Variants in LINGO2 observed in about 807,000 individuals in gnomAD.
LINGO2 encodes leucine-rich repeat and immunoglobulin-like domain-containing nogo receptor-interacting protein 2.
A neutral mutation model predicts 30.6 loss-of-function variants in LINGO2; 14 were observed. The observed-to-expected ratio is 0.46, with a 90% CI of 0.30 to 0.72. The LOEUF is 0.72. Ranked by LOEUF, LINGO2 falls within the 30% of genes least tolerant of loss-of-function variation. LINGO2 has a pLI of 0.07. For synonymous variants in LINGO2, 317 were observed against 288.5 expected (o/e 1.10, Z -1.00); for missense variants, 729 against 751.7 (o/e 0.97, Z 0.35).
At chr9:27,972,332 T>A (rs1820394698) in intron 5 of LINGO2, among the ~76,000 whole-genome samples, 1 of 151,566 alleles carries the variant, frequency 6.6e-6, no homozygotes, top group Admixed American at 6.5e-5. Context: ...TAGATAAAAT[T>A]GTCTGAGGAG....
In LINGO2 at chr9:28,288,279, C is replaced by CGTTT. The variant is rs532376014; in HGVS notation, c.-87+6925_-87+6928dup. The stretch of plus-strand genomic sequence containing the variant: ...CAAGCTTTCCATTCCTCAAACATAA[C>CGTTT]GTTTATTTTTACATAATGGCGACTT... On this transcript the variant is annotated intron_variant, in intron 4 of 5. Coordinates refer to ENST00000379992, the Ensembl canonical transcript of LINGO2. 2.0e-5 allele frequency among the ~76,000 whole-genome samples: 3 copies of CGTTT among 152,228 alleles called. No individual in the cohort carries two copies. The South Asian group carries it at 6.2e-4, about 32-fold the overall frequency.
chr9:28,702,924 A>AT, the LINGO2 span, among the ~76,000 whole-genome samples: 1 of 151,906 alleles, frequency 6.6e-6, no homozygotes, highest in Non-Finnish European at 1.5e-5. Context: ...GCACAGAGTT[A>AT]TTAATAGTCT....
chr9:28,875,324 C>T, the LINGO2 span, among the ~76,000 whole-genome samples: 2 of 151,892 alleles, frequency 1.3e-5, no homozygotes, highest in African/African-American at 2.4e-5. Context: ...GGTTTGTGTA[C>T]GTCTACACAA....
At chr9:28,665,131 A>C (rs1264210222) in intron 1 of LINGO2, among the ~76,000 whole-genome samples, 1 of 150,980 alleles carries the variant, frequency 6.6e-6, no homozygotes, top group African/African-American at 2.4e-5. Flanking sequence ...AGGTGGTGGA[A>C]AAAGAGATGC....
rs1824022915 is a variant in LINGO2, at chr9:28,038,084, A to C, written c.-86-25679T>G. On this transcript the variant is annotated intron_variant, in intron 4 of 5. Coordinates refer to ENST00000379992, the Ensembl canonical transcript of LINGO2. Reference sequence around the variant, plus strand: ...CCATACCACTTTTTAATAAGATTTTATGAAAGTTGGCTCTTCTTAGATAAT... The same window carrying C: ...CCATACCACTTTTTAATAAGATTTTCTGAAAGTTGGCTCTTCTTAGATAAT... Among the ~76,000 whole-genome samples, 3 of 152,220 alleles carry C rather than the reference A, an allele frequency of 2.0e-5. No homozygotes were observed. In the South Asian group the frequency reaches 6.2e-4, roughly 31 times the overall value.
At chr9:28,239,121 C>A (rs965852000) in intron 4 of LINGO2, among the ~76,000 whole-genome samples, 22 of 151,948 alleles carry the variant, frequency 1.4e-4, no homozygotes, top group Admixed American at 1.1e-3. Context: ...AGACCAATAA[C>A]AAGTAATAAA....
At chr9:28,106,222 T>G (rs555505830) in intron 4 of LINGO2, among the ~76,000 whole-genome samples, 40 of 152,182 alleles carry the variant, frequency 2.6e-4, no homozygotes, top group African/African-American at 9.4e-4. Context: ...GCCAAAAAGA[T>G]TGGGGACTGC....
intron 1 of LINGO2, among the ~76,000 whole-genome samples, chr9:28,561,735 T>TTGTG (rs72145510): frequency 0.04 from 1,755 of 43,382 alleles, 260 homozygotes; most frequent in East Asian, 0.074. Context: ...ATATATAATT[T>TTGTG]TGTGTGTGTG....
chr9:27,955,209 A>G (rs7040237), intron 5 of LINGO2, among the ~76,000 whole-genome samples: 82,280 of 152,024 alleles, frequency 0.54, 23,605 homozygotes, highest in Non-Finnish European at 0.62. Context: ...ATTCATAGAA[A>G]ATTATAATTT....
chr9:28,473,286 T>C lies in LINGO2; in HGVS notation c.-279+2654A>G, dbSNP rs557577546. Among the ~76,000 whole-genome samples, 3 of 152,140 alleles carry C rather than the reference T, an allele frequency of 2.0e-5. No individual in the cohort carries two copies. The South Asian group carries it at 6.2e-4, about 32-fold the overall frequency. ...GAAGAAATTCAGGCCCAAATTCCAA[T>C]GAGTAGCAGCATTCAATTAATGCAA... On this transcript the variant is annotated intron_variant, in intron 2 of 5. Transcript: ENST00000379992.
the LINGO2 span, among the ~76,000 whole-genome samples, chr9:28,853,902 C>T: frequency 6.6e-6 from 1 of 151,630 alleles, no homozygotes; most frequent in Non-Finnish European, 1.5e-5. Flanking sequence ...TATCACCTAC[C>T]TATATGAACT....
chr9:28,141,854 G>C (rs996844822), intron 4 of LINGO2, among the ~76,000 whole-genome samples: 13 of 152,226 alleles, frequency 8.5e-5, no homozygotes, highest in African/African-American at 2.7e-4. Context: ...GGAGGGTGCA[G>C]TGAGCCGAGA....
the LINGO2 span, among the ~76,000 whole-genome samples, chr9:28,800,872 C>T: frequency 6.6e-5 from 10 of 152,084 alleles, no homozygotes; most frequent in African/African-American, 2.2e-4. Flanking sequence ...AGTTATTTCC[C>T]AGCCAGTTCT....
At chr9:29,048,701 G>A in the LINGO2 span, among the ~76,000 whole-genome samples, 3 of 152,034 alleles carry the variant, frequency 2.0e-5, no homozygotes, top group Non-Finnish European at 1.5e-5. Context: ...ATTTTCCAAG[G>A]ATGTACACTG....
the LINGO2 span, among the ~76,000 whole-genome samples, chr9:28,797,058 G>C: frequency 6.6e-6 from 1 of 151,354 alleles, no homozygotes; most frequent in South Asian, 2.1e-4. Context: ...TAATTGAGTG[G>C]TGTATTCAAG....
the LINGO2 span, among the ~76,000 whole-genome samples, chr9:29,028,587 C>G: frequency 2.6e-5 from 4 of 152,070 alleles, no homozygotes; most frequent in Admixed American, 2.6e-4. Context: ...TCTAGGCTAC[C>G]CTTGTTACTT....
chr9:27,978,566 A>G (rs1336304928), intron 5 of LINGO2, among the ~76,000 whole-genome samples: 1 of 152,022 alleles, frequency 6.6e-6, no homozygotes, highest in African/African-American at 2.4e-5. Flanking sequence ...TGAACCAGGA[A>G]GTGGGCCTTT....
intron 4 of LINGO2, among the ~76,000 whole-genome samples, chr9:28,198,500 A>G (rs1358390016): frequency 6.6e-6 from 1 of 152,180 alleles, no homozygotes; most frequent in Non-Finnish European, 1.5e-5. Context: ...GCATATGAAT[A>G]CTGATGCAAA....
chr9:28,991,409 G>C, the LINGO2 span, among the ~76,000 whole-genome samples: 2 of 150,526 alleles, frequency 1.3e-5, no homozygotes, highest in Admixed American at 6.7e-5. Context: ...TGAAACTGAT[G>C]GGGAGAATGG....
Sources: gnomAD v4.1 joint callset for allele counts (sites outside exome capture counted in the v4.1 genomes callset) on GRCh38, gnomAD v4.1.1 for gene constraint, MANE v1.5 for transcripts, NCBI Gene and HGNC (gene_info 2026-07-23, HGNC 2026-07-21) for gene names.